LDLRAD3: variants seen among roughly 807,000 people sequenced by gnomAD.
LDLRAD3 encodes low-density lipoprotein receptor class A domain-containing protein 3.
Under a neutral mutation model 29.4 loss-of-function variants are expected in LDLRAD3, and 20 were observed. The observed-to-expected ratio is 0.68, with a 90% CI of 0.48 to 0.99. The LOEUF is 0.99. Ranked by LOEUF, LDLRAD3 falls within the 50% of genes least tolerant of loss-of-function variation. The pLI, the probability that LDLRAD3 is intolerant of heterozygous loss-of-function variation, is 0.00. For synonymous variants in LDLRAD3, 157 were observed against 192.7 expected, an observed-to-expected ratio of 0.81 and a Z score of 1.53; for missense variants, 420 against 454.3, an observed-to-expected ratio of 0.92 and a Z score of 0.69.
rs1855568217 is a variant in LDLRAD3, at chr11:36,231,007, T to TA, written c.*1612dup. ...CACAGGGCCCGCCTCCCTGCAGGAA[T>TA]AAGGGGTAAAACGTTAGGTGTTGTT... On this transcript the variant is annotated 3_prime_UTR_variant, in exon 6 of 6. Transcript: ENST00000315571. The TA allele has an allele frequency of 6.6e-6, 1 of 152,530 alleles. No individual in the cohort carries two copies. Among genetic ancestry groups the TA allele is most frequent in the South Asian group, 2.1e-4 (1 of 4,824 alleles). The allele number at this position is 152,530 out of a possible 1,614,324, so 9.4% of individuals were successfully genotyped here.
intron 1 of LDLRAD3, among the ~76,000 whole-genome samples, chr11:36,009,857 A>G (rs985461442): frequency 6.6e-6 from 1 of 152,254 alleles, no homozygotes; most frequent in Admixed American, 6.5e-5. Flanking sequence ...GAAGTTTTCC[A>G]GAAATCTGTA....
chr11:36,026,655 G>T (rs1436186456), intron 1 of LDLRAD3, among the ~76,000 whole-genome samples: 1 of 152,212 alleles, frequency 6.6e-6, no homozygotes, highest in African/African-American at 2.4e-5. Flanking sequence ...AAGCGAGATG[G>T]CGAGGAACAT....
chr11:36,079,920 A>C (rs1387180720), intron 2 of LDLRAD3, among the ~76,000 whole-genome samples: 1 of 152,234 alleles, frequency 6.6e-6, no homozygotes, highest in East Asian at 1.9e-4. Context: ...CATAAAAAAT[A>C]GAGTTGGAAT....
intron 2 of LDLRAD3, among the ~76,000 whole-genome samples, chr11:36,061,149 T>A (rs1251273523): frequency 6.6e-6 from 1 of 152,136 alleles, no homozygotes; most frequent in African/African-American, 2.4e-5. Flanking sequence ...AATCTTTTTT[T>A]TTCCCCTGAG....
chr11:36,076,845 A>T, intron 2 of LDLRAD3, among the ~76,000 whole-genome samples: 1 of 150,768 alleles, frequency 6.6e-6, no homozygotes, highest in Admixed American at 6.6e-5. Context: ...AGTATTGTAG[A>T]TTTTTTTTTT....
Position 36,230,018 on chromosome 11 carries a change from A to G in LDLRAD3, c.*621A>G, listed in dbSNP as rs1248258511. On this transcript the variant is annotated 3_prime_UTR_variant, in exon 6 of 6. Coordinates refer to ENST00000315571, the MANE Select transcript of LDLRAD3 (RefSeq NM_174902.4). ...TGGTTTTGTGAAGGACTCTGAAACC[A>G]TCTACCCTGTATAAATTCTGGCTTT... The G allele has an allele frequency of 6.6e-6, 1 of 152,306 alleles. No homozygotes were observed. The highest frequency in any genetic ancestry group is 2.4e-5 in the African/African-American group (1 of 41,458). 9.4% of individuals were successfully genotyped at this position (152,306 alleles called of 1,614,324 possible). A position where few individuals can be genotyped will look rare whatever the true frequency, so the allele number is the denominator to read the frequency against.
intron 2 of LDLRAD3, among the ~76,000 whole-genome samples, chr11:36,049,951 T>C (rs907538573): frequency 7.2e-5 from 11 of 152,302 alleles, no homozygotes; most frequent in African/African-American, 2.6e-4. Flanking sequence ...TCCTGTCAAG[T>C]GAAGTGTTGT....
chr11:36,081,073 A>G (rs1853106267), intron 2 of LDLRAD3, among the ~76,000 whole-genome samples: 1 of 152,178 alleles, frequency 6.6e-6, no homozygotes, highest in South Asian at 2.1e-4. Flanking sequence ...GGTGGTGCAA[A>G]GTCTCCCAAA....
chr11:36,227,838 A>C (rs189817167), intron 5 of LDLRAD3, among the ~76,000 whole-genome samples: 6 of 152,344 alleles, frequency 3.9e-5, no homozygotes, highest in African/African-American at 1.4e-4. Context: ...TCTGAGCCTC[A>C]CCTGCTACTG....
intron 1 of LDLRAD3, among the ~76,000 whole-genome samples, chr11:35,946,652 G>A (rs1373181937): frequency 6.6e-6 from 1 of 152,124 alleles, no homozygotes; most frequent in Non-Finnish European, 1.5e-5. Flanking sequence ...CAGCCATGCT[G>A]GATGATGGTC....
intron 4 of LDLRAD3, chr11:36,183,890 A>C (rs1035607209): frequency 4.7e-6 from 1 of 212,870 alleles, no homozygotes; most frequent in Admixed American, 5.9e-5. Context: ...GGGTCCATTG[A>C]GTTTTTAATT....
chr11:36,134,075 A>T (rs1853969699), intron 4 of LDLRAD3, among the ~76,000 whole-genome samples: 1 of 152,186 alleles, frequency 6.6e-6, no homozygotes, highest in African/African-American at 2.4e-5. Flanking sequence ...AGATAAAATC[A>T]GAAGGACATC....
intron 4 of LDLRAD3, among the ~76,000 whole-genome samples, chr11:36,139,603 G>C (rs186512689): frequency 1.7e-4 from 26 of 152,218 alleles, no homozygotes; most frequent in Admixed American, 1.6e-3. Context: ...AAAGATATCT[G>C]AGGCTCAGAG....
At position 36,199,803 on chromosome 11, in the gene LDLRAD3, T is replaced by G. The variant is rs117155230; in HGVS notation, c.455-27282T>G. On this transcript the variant is annotated intron_variant, in intron 4 of 5. Transcript: ENST00000315571. ...CTGAGTCAGTCCAAAATGAATAAAG[T>G]GAGTAACCAAGGTCATCTAATAAAA... Among the ~76,000 whole-genome samples, 1,144 of 152,290 alleles carry G rather than the reference T, an allele frequency of 7.5e-3. 11 individuals are homozygous for G. Among genetic ancestry groups the G allele is most frequent in the Non-Finnish European group, 0.013 (876 of 68,024 alleles).
intron 1 of LDLRAD3, among the ~76,000 whole-genome samples, chr11:35,979,507 T>A (rs960224916): frequency 1.3e-5 from 2 of 152,208 alleles, no homozygotes; most frequent in African/African-American, 2.4e-5. Context: ...AGAGTTTTCC[T>A]TCCTGAGGTT....
chr11:36,107,137 A>G (rs1398083821), intron 4 of LDLRAD3, among the ~76,000 whole-genome samples: 1 of 152,202 alleles, frequency 6.6e-6, no homozygotes, highest in African/African-American at 2.4e-5. Flanking sequence ...TGTGTCTGCT[A>G]CATAGCAAAA....
chr11:36,210,282 CCT>C (rs1484877593), intron 4 of LDLRAD3, among the ~76,000 whole-genome samples: 1 of 152,138 alleles, frequency 6.6e-6, no homozygotes, highest in Non-Finnish European at 1.5e-5. Flanking sequence ...CGGTGTAGGT[CCT>C]TTTATTCCTC....
At position 36,105,236 on chromosome 11, in the gene LDLRAD3, T is replaced by A. The variant is rs79998878; in HGVS notation, c.454+6775T>A. Among the ~76,000 whole-genome samples, 856 of 135,082 alleles carry A rather than the reference T, an allele frequency of 6.3e-3. 5 individuals carry two copies. Among genetic ancestry groups the A allele is most frequent in the African/African-American group, 0.018 (657 of 35,932 alleles). The allele number at this position is 135,082 out of a possible 152,430, so 88.6% of individuals were successfully genotyped here. A position where few individuals can be genotyped will look rare whatever the true frequency, so the allele number is the denominator to read the frequency against. On this transcript the variant is annotated intron_variant, in intron 4 of 5. Transcript: ENST00000315571. Reference sequence around the variant, plus strand: ...GTGTGTGTGTGTGTGTGTGTGTGTGTGTGAGAGAGAGAGAGAGAGAGAGAG... The same window carrying A: ...GTGTGTGTGTGTGTGTGTGTGTGTGAGTGAGAGAGAGAGAGAGAGAGAGAG...
intron 4 of LDLRAD3, among the ~76,000 whole-genome samples, chr11:36,108,810 A>G (rs527354018): frequency 6.6e-6 from 1 of 152,306 alleles, no homozygotes; most frequent in East Asian, 1.9e-4. Flanking sequence ...AACAAACTTT[A>G]TCTAGAAAAA....
Sources: allele counts gnomAD v4.1 joint callset (sites outside exome capture counted in the v4.1 genomes callset), GRCh38; gene constraint gnomAD v4.1.1; transcripts MANE v1.5; gene names NCBI Gene and HGNC (gene_info 2026-07-23, HGNC 2026-07-21).